Variants in DDX10 observed in about 807,000 individuals in gnomAD.
DDX10 encodes the protein DEAD-box helicase 10, also known as probable ATP-dependent RNA helicase DDX10.
DDX10 carries 74 observed loss-of-function variants against 104.3 expected under a neutral mutation model. That is an observed-to-expected ratio of 0.71 (90% CI 0.59 to 0.86). The LOEUF (loss-of-function observed/expected upper bound fraction) is 0.86. DDX10 is among the 40% of genes least tolerant of loss of function. The probability of loss-of-function intolerance (pLI) is 0.00; values close to 1 mark genes in which losing one functional copy is unlikely to be tolerated. For missense variants in DDX10, 952 were observed against 1,040.0 expected, an observed-to-expected ratio of 0.92 and a Z score of 1.16; for synonymous variants, 351 against 353.4, an observed-to-expected ratio of 0.99 and a Z score of 0.08.
chr11:108,865,587 A>G (rs1862999272), intron 16 of DDX10, among the ~76,000 whole-genome samples: 1 of 152,096 alleles, frequency 6.6e-6, no homozygotes, highest in South Asian at 2.1e-4. Flanking sequence ...CTGGCACACA[A>G]GAAGAATAAC....
chr11:108,702,305 T>A (rs2094269489), intron 9 of DDX10, among the ~76,000 whole-genome samples: 1 of 152,204 alleles, frequency 6.6e-6, no homozygotes, highest in African/African-American at 2.4e-5. Context: ...TTAGAAATGT[T>A]TTTTTCGTGT....
At chr11:108,752,197 A>C (rs2094339554) in intron 13 of DDX10, among the ~76,000 whole-genome samples, 1 of 152,032 alleles carries the variant, frequency 6.6e-6, no homozygotes, top group Admixed American at 6.6e-5. Flanking sequence ...GAACACAGAT[A>C]CTGGCTTTTC....
chr11:108,853,582 A>G (rs1478994960), intron 16 of DDX10, among the ~76,000 whole-genome samples: 3 of 151,486 alleles, frequency 2.0e-5, no homozygotes, highest in Non-Finnish European at 4.4e-5. Flanking sequence ...AGTTGCTATC[A>G]CCCTTGAGCT....
At chr11:108,817,836 A>G (rs1862275531) in intron 13 of DDX10, among the ~76,000 whole-genome samples, 1 of 152,200 alleles carries the variant, frequency 6.6e-6, no homozygotes, top group African/African-American at 2.4e-5. Flanking sequence ...CGGCTCATAC[A>G]AGGTTTTACA....
chr11:108,780,712 AGGT>A (rs1473331019), intron 13 of DDX10, among the ~76,000 whole-genome samples: 2 of 152,192 alleles, frequency 1.3e-5, no homozygotes, highest in Non-Finnish European at 2.9e-5. Context: ...GTAGATGCTT[AGGT>A]TATATTGTTG....
At chr11:108,674,353 A>G (rs1484731071) in intron 2 of DDX10, among the ~76,000 whole-genome samples, 1 of 152,112 alleles carries the variant, frequency 6.6e-6, no homozygotes, top group African/African-American at 2.4e-5. Flanking sequence ...TGAAATATGT[A>G]TATGCTGTGG....
Position 108,835,076 on chromosome 11 carries a change from G to A in DDX10, c.1966-3370G>A, listed in dbSNP as rs183978923. On this transcript the variant is annotated intron_variant, in intron 13 of 17. Transcript: ENST00000322536. ...GAAAAGGAGGTGTAGGAATACTGAC[G>A]AGGCTGACAGAAGTGGGGGTCTTAT... is the stretch of plus-strand genomic sequence containing the variant. Among the ~76,000 whole-genome samples the A allele has an allele frequency of 7.2e-5, 11 of 152,194 alleles. No individual in the cohort carries two copies. In the East Asian group the frequency reaches 1.7e-3, roughly 24 times the overall value.
intron 16 of DDX10, among the ~76,000 whole-genome samples, chr11:108,892,827 A>G (rs1863393968): frequency 6.6e-6 from 1 of 152,120 alleles, no homozygotes; most frequent in Non-Finnish European, 1.5e-5. Context: ...ATAACCTTGG[A>G]CTCAGAATTT....
chr11:108,729,761 C>G (rs1283978778), intron 13 of DDX10: 3 of 152,204 alleles, frequency 2.0e-5, no homozygotes, highest in Non-Finnish European at 4.4e-5. Context: ...CCACGACACT[C>G]CAGCCTGAGC....
Position 108,836,298 on chromosome 11 carries a change from G to C in DDX10, c.1966-2148G>C, listed in dbSNP as rs926141328. Reference sequence around the variant, plus strand: ...ATGTTGAATCGGAAATACAAAGTCAGTGTTTTAGTAATACCCACATAGTAC... The same window carrying C: ...ATGTTGAATCGGAAATACAAAGTCACTGTTTTAGTAATACCCACATAGTAC... On this transcript the variant is annotated intron_variant, in intron 13 of 17. Transcript: ENST00000322536. 1.4e-4 allele frequency among the ~76,000 whole-genome samples: 21 copies of C among 152,288 alleles called. 1 individual carries two copies. The East Asian group carries it at 4.0e-3, about 29-fold the overall frequency.
intron 13 of DDX10, among the ~76,000 whole-genome samples, chr11:108,836,344 C>T (rs1203642078): frequency 6.6e-6 from 1 of 152,178 alleles, no homozygotes; most frequent in East Asian, 1.9e-4. Context: ...GTCAAAACAA[C>T]TTTCTTGTAG....
At position 108,723,373 on chromosome 11, in the gene DDX10, A is replaced by G. The variant is rs745642306; in HGVS notation, c.1876A>G (p.Arg626Gly). Residue 626 changes from arginine (R) to glycine (G), a missense_variant, in exon 13 of 18, where the codon AGA becomes GGA. Transcript: ENST00000322536. ...GGAAGTTCCTACACAGTTCTTGGACAGAGATGAGGAGGAAGAAGATGCTGA... is the reference window on the plus strand; with the variant it reads ...GGAAGTTCCTACACAGTTCTTGGACGGAGATGAGGAGGAAGAAGATGCTGA... Reference protein sequence around the residue: ...IKEVPTQFLDRDEEEEDADFL... With the variant: ...IKEVPTQFLDGDEEEEDADFL... The G allele has an allele frequency of 6.2e-7, 1 of 1,614,012 alleles. No individual in the cohort carries two copies. Among genetic ancestry groups the G allele is most frequent in the Non-Finnish European group, 8.5e-7 (1 of 1,179,918 alleles).
chr11:108,703,627 C>T (rs1228288070), intron 9 of DDX10, among the ~76,000 whole-genome samples: 1 of 152,126 alleles, frequency 6.6e-6, no homozygotes, highest in Non-Finnish European at 1.5e-5. Flanking sequence ...CGCGCTTGGC[C>T]TAAAGTGTAG....
chr11:108,713,570 A>G (rs2094287414), intron 10 of DDX10, among the ~76,000 whole-genome samples: 1 of 152,124 alleles, frequency 6.6e-6, no homozygotes, highest in Non-Finnish European at 1.5e-5. Flanking sequence ...TGTTTTATCT[A>G]TTAGAATCCC....
chr11:108,746,820 A>T (rs572949109), intron 13 of DDX10, among the ~76,000 whole-genome samples: 1 of 151,940 alleles, frequency 6.6e-6, no homozygotes, highest in African/African-American at 2.4e-5. Context: ...CCTTATTCTC[A>T]TGTTGTTTGT....
chr11:108,893,501 T>C (rs1863402224), intron 16 of DDX10, among the ~76,000 whole-genome samples: 1 of 152,062 alleles, frequency 6.6e-6, no homozygotes, highest in African/African-American at 2.4e-5. Context: ...TTTTAAATGT[T>C]AACCCATAAA....
intron 17 of DDX10, among the ~76,000 whole-genome samples, chr11:108,939,154 G>A (rs1591133851): frequency 6.6e-6 from 1 of 152,120 alleles, no homozygotes; most frequent in Non-Finnish European, 1.5e-5. Flanking sequence ...AGACAACTGA[G>A]GGTTAGAAGT....
chr11:108,933,052 C>T (rs1034489226), intron 17 of DDX10, among the ~76,000 whole-genome samples: 1 of 151,824 alleles, frequency 6.6e-6, no homozygotes, highest in Non-Finnish European at 1.5e-5. Context: ...GTAAGTCAAA[C>T]GTTATTCAAG....
chr11:108,885,187 A>G (rs888540347), intron 16 of DDX10, among the ~76,000 whole-genome samples: 16 of 152,054 alleles, frequency 1.1e-4, no homozygotes, highest in Non-Finnish European at 1.9e-4. Flanking sequence ...AATGGCCTTC[A>G]GTGTATCTTA....
Sources: allele counts gnomAD v4.1 joint callset (sites outside exome capture counted in the v4.1 genomes callset), GRCh38; gene constraint gnomAD v4.1.1; transcripts MANE v1.5; gene names NCBI Gene and HGNC (gene_info 2026-07-23, HGNC 2026-07-21).